RUNX1T1: variants seen among roughly 807,000 people sequenced by gnomAD.
The protein encoded by RUNX1T1 is protein CBFA2T1.
RUNX1T1 carries 4 observed loss-of-function variants against 62.8 expected under a neutral mutation model. The observed-to-expected ratio is 0.06, with a 90% CI of 0.03 to 0.15. The LOEUF is 0.15. RUNX1T1 is among the 10% of genes least tolerant of loss of function. The pLI is 1.00. For synonymous variants in RUNX1T1, 291 were observed against 286.0 expected (o/e 1.02, Z -0.18); for missense variants, 508 against 754.3 (o/e 0.67, Z 3.82).
At chr8:92,077,219 T>A (rs1834556702) in intron 1 of RUNX1T1, among the ~76,000 whole-genome samples, 1 of 152,120 alleles carries the variant, frequency 6.6e-6, no homozygotes, top group Non-Finnish European at 1.5e-5. Flanking sequence ...AAATAAGTAC[T>A]GATTAATTAA....
intron 1 of RUNX1T1, among the ~76,000 whole-genome samples, chr8:92,079,923 T>C (rs1834988654): frequency 6.6e-6 from 1 of 152,072 alleles, no homozygotes. Context: ...AGTTCAAGAG[T>C]CACCACCTGA....
At chr8:92,004,055 A>G (rs1239701658) in intron 5 of RUNX1T1, among the ~76,000 whole-genome samples, 1 of 152,222 alleles carries the variant, frequency 6.6e-6, no homozygotes, top group Admixed American at 6.5e-5. Context: ...TGGCTTTTAA[A>G]TAACATTCTG....
Position 92,059,247 on chromosome 8 carries a change from T to C in RUNX1T1, c.7+3299A>G, listed in dbSNP as rs557228062. The stretch of plus-strand genomic sequence containing the variant: ...TATAATGGCAAACCAACTTGCAAAG[T>C]AAAATAGAGTGTCAGTGAATGGACT... On this transcript the variant is annotated intron_variant, in intron 1 of 10. Coordinates refer to ENST00000396218, the Ensembl canonical transcript of RUNX1T1. Among the ~76,000 whole-genome samples the C allele has an allele frequency of 2.0e-5, 3 of 152,294 alleles. No individual in the cohort carries two copies. In the South Asian group the frequency reaches 6.2e-4, roughly 32 times the overall value.
At chr8:92,022,885 C>T (rs1168218396) in intron 1 of RUNX1T1, among the ~76,000 whole-genome samples, 3 of 152,214 alleles carry the variant, frequency 2.0e-5, no homozygotes, top group Admixed American at 6.5e-5. Context: ...AGCTCTTTAG[C>T]TTAGTCCATG....
At chr8:91,992,674 A>G (rs549237400) in intron 5 of RUNX1T1, among the ~76,000 whole-genome samples, 1 of 152,310 alleles carries the variant, frequency 6.6e-6, no homozygotes, top group Admixed American at 6.5e-5. Context: ...CCTAGAAGGA[A>G]GATCTAGGTC....
chr8:92,011,173 G>A, intron 3 of RUNX1T1, 82 bp from the exon 5 acceptor site: 3 of 738,380 alleles, frequency 4.1e-6, no homozygotes, highest in Non-Finnish European at 7.1e-6. Flanking sequence ...ATTAAGACTG[G>A]TACAACACAG....
intron 1 of RUNX1T1, among the ~76,000 whole-genome samples, chr8:92,043,642 A>G (rs959771761): frequency 2.9e-4 from 44 of 152,182 alleles, no homozygotes; most frequent in South Asian, 1.2e-3. Context: ...GGAATTTTGG[A>G]GTGACAGTAT....
Position 92,081,227 on chromosome 8 carries a change from C to A in RUNX1T1, c.-85-5090G>T, listed in dbSNP as rs971656062. The stretch of plus-strand genomic sequence containing the variant: ...ATATGAGGAGATAATACTTGTAAAG[C>A]GCCTACCTTAGTGCTCCCAGTGCAA... On this transcript the variant is annotated intron_variant, in intron 1 of 11. Coordinates refer to the RUNX1T1 transcript ENST00000265814. 1.2e-5 allele frequency: 11 copies of A among 905,188 alleles called. No individual in the cohort carries two copies. The African/African-American group carries it at 2.0e-4, about 16-fold the overall frequency. 56.1% of individuals were successfully genotyped at this position (905,188 alleles called of 1,614,324 possible).
At chr8:91,961,416 A>C (rs1349997392) in intron 10 of RUNX1T1, among the ~76,000 whole-genome samples, 1 of 152,210 alleles carries the variant, frequency 6.6e-6, no homozygotes, top group Non-Finnish European at 1.5e-5. Context: ...AGCAGAGGGA[A>C]CTGGGGCTCA....
At chr8:91,956,383 T>C (rs558715454), downstream of RUNX1T1, 5 of 230,390 alleles carry the variant, frequency 2.2e-5, no homozygotes, top group African/African-American at 1.1e-4. Context: ...GAGCCACGCT[T>C]TGTAGCTGAA....
chr8:91,986,161 C>T, exon 8 of RUNX1T1: 2 of 1,614,138 alleles, frequency 1.2e-6, no homozygotes, highest in South Asian at 1.1e-5. Context: ...GACTCTGCTG[C>T]CTAGAGTGGC....
intron 1 of RUNX1T1, among the ~76,000 whole-genome samples, chr8:92,060,547 ATATATATG>A (rs1366913261): frequency 2.1e-4 from 22 of 102,788 alleles, no homozygotes; most frequent in African/African-American, 5.4e-4. Context: ...ATATATATAT[ATATATATG>A]TGTGTGTGTG....
chr8:92,013,714 T>C (rs938018199), intron 3 of RUNX1T1, among the ~76,000 whole-genome samples: 6 of 152,154 alleles, frequency 3.9e-5, no homozygotes, highest in Admixed American at 2.6e-4. Flanking sequence ...AAAAAAGATA[T>C]ATGTTCTATT....
chr8:91,994,487 C>A, intron 5 of RUNX1T1: 2 of 394,888 alleles, frequency 5.1e-6, no homozygotes, highest in Non-Finnish European at 5.1e-6. Context: ...CAGCACCTAC[C>A]TTACTGGCAT....
intron 1 of RUNX1T1, among the ~76,000 whole-genome samples, chr8:92,093,780 A>T (rs961141336): frequency 5.6e-4 from 85 of 152,342 alleles, no homozygotes; most frequent in African/African-American, 1.8e-3. Context: ...CACTGTAAAT[A>T]ACTCCAGGTA....
intron 8 of RUNX1T1, among the ~76,000 whole-genome samples, chr8:91,978,855 A>T (rs1257081222): frequency 6.6e-6 from 1 of 152,182 alleles, no homozygotes; most frequent in East Asian, 1.9e-4. Flanking sequence ...CACTTTGGCT[A>T]TACCTTCCTA....
chr8:92,055,018 A>T (rs550209974), intron 1 of RUNX1T1, among the ~76,000 whole-genome samples: 45 of 152,280 alleles, frequency 3.0e-4, no homozygotes, highest in African/African-American at 9.1e-4. Flanking sequence ...ATAAATAAAT[A>T]AATTAAAAAA....
chr8:92,053,363 C>T (rs1289520822), intron 1 of RUNX1T1, among the ~76,000 whole-genome samples: 9 of 152,124 alleles, frequency 5.9e-5, no homozygotes, highest in African/African-American at 2.2e-4. Context: ...ACATTATACC[C>T]ATCCTCCACT....
intron 1 of RUNX1T1, among the ~76,000 whole-genome samples, chr8:92,042,073 T>G (rs1828578438): frequency 6.6e-6 from 1 of 151,914 alleles, no homozygotes; most frequent in South Asian, 2.1e-4. Context: ...TCCACCTGCC[T>G]CAGCCTCCCG....
Sources: gnomAD v4.1 joint callset for allele counts (sites outside exome capture counted in the v4.1 genomes callset) on GRCh38, gnomAD v4.1.1 for gene constraint, MANE v1.5 for transcripts, NCBI Gene and HGNC (gene_info 2026-07-23, HGNC 2026-07-21) for gene names.